Variants in PPARA observed in about 807,000 individuals in gnomAD.
PPARA encodes the protein peroxisome proliferator-activated receptor alpha.
PPARA carries 22 observed loss-of-function variants against 42.2 expected under a neutral mutation model. That is an observed-to-expected ratio of 0.52 (90% CI 0.37 to 0.74). PPARA has a LOEUF of 0.74. Among genes scored for constraint, PPARA ranks in the 30% least tolerant of loss-of-function variants. The pLI, the probability that PPARA is intolerant of heterozygous loss-of-function variation, is 0.00. For missense variants in PPARA, 465 were observed against 608.2 expected, an observed-to-expected ratio of 0.76 and a Z score of 2.48; for synonymous variants, 242 against 239.3, an observed-to-expected ratio of 1.01 and a Z score of -0.10.
At position 46,219,842 on chromosome 22, in the gene PPARA, A is replaced by C. The variant is rs1569240768; in HGVS notation, c.539A>C (p.Glu180Ala). Residue 180 changes from glutamate to alanine, a missense_variant, in exon 7 of 9, where the codon GAG (glutamate) becomes GCG (alanine). Glu to Ala is a moderately radical substitution (Grantham distance 107). Coordinates refer to ENST00000407236, the MANE Select transcript of PPARA (RefSeq NM_005036.6). The surrounding 1 kb of genome is among the most constrained non-coding windows in gnomAD (Gnocchi z 4.8). Reference sequence around the variant, plus strand: ...CGTTTTGGACGAATGCCAAGATCTGAGAAAGCAAAACTGAAAGCAGAAATT... The same window carrying C: ...CGTTTTGGACGAATGCCAAGATCTGCGAAAGCAAAACTGAAAGCAGAAATT... ...AIRFGRMPRSEKAKLKAEILT... is the reference protein window; with the variant it reads ...AIRFGRMPRSAKAKLKAEILT... 6.2e-7 allele frequency: 1 copy of C among 1,614,230 alleles called. No homozygotes were observed. The highest frequency in any genetic ancestry group is 8.5e-7 in the Non-Finnish European group (1 of 1,180,044).
At chr22:46,166,861 T>C (rs1927156887) in intron 2 of PPARA, among the ~76,000 whole-genome samples, 2 of 152,204 alleles carry the variant, frequency 1.3e-5, no homozygotes, top group East Asian at 1.9e-4. Context: ...GCATGCCTAC[T>C]TGTAGAATTT....
chr22:46,174,308 C>G (rs1928676190), intron 2 of PPARA, among the ~76,000 whole-genome samples: 1 of 59,424 alleles, frequency 1.7e-5, no homozygotes, highest in Admixed American at 1.9e-4. Context: ...AAGTTGGTAA[C>G]TACCAGTGAA....
At position 46,232,520 on chromosome 22, in the gene PPARA, C is replaced by T. The variant is rs982916751; in HGVS notation, c.1159+281C>T. ...ATAATATTAGCCAGGTGTGGGGGTG[C>T]ACACCTTTAGTCCCAGCTACTTACT... On this transcript the variant is annotated intron_variant, in intron 8 of 8. Transcript: ENST00000407236. This position sits in a 1 kb window ranked among gnomAD's most constrained non-coding sequence, Gnocchi z 5.3. Among the ~76,000 whole-genome samples the T allele has an allele frequency of 2.6e-5, 4 of 151,794 alleles. No individual in the cohort carries two copies. Among genetic ancestry groups the T allele is most frequent in the African/African-American group, 9.7e-5 (4 of 41,334 alleles).
At chr22:46,202,435 C>T (rs532324535) in intron 4 of PPARA, among the ~76,000 whole-genome samples, 1 of 152,036 alleles carries the variant, frequency 6.6e-6, no homozygotes, top group African/African-American at 2.4e-5. Context: ...CTGTGCTTCC[C>T]ATCTAAATAA....
Position 46,233,581 on chromosome 22 carries a change from C to T in PPARA, c.1159+1342C>T, listed in dbSNP as rs1325025597. 6.6e-6 allele frequency among the ~76,000 whole-genome samples: 1 copy of T among 152,166 alleles called. No homozygotes were observed. The highest frequency in any genetic ancestry group is 1.9e-4 in the East Asian group (1 of 5,192). ...GATGAAGGAAGTCCTTGCGCTCTGG[C>T]ATAAAGTGTACAAAGACAAAGCAGT... On this transcript the variant is annotated intron_variant, in intron 8 of 8. Coordinates refer to ENST00000407236, the MANE Select transcript of PPARA (RefSeq NM_005036.6). The surrounding 1 kb of genome is among the most constrained non-coding windows in gnomAD (Gnocchi z 7.3).
At position 46,234,589 on chromosome 22, in the gene PPARA, G is replaced by A. The variant is rs770785442; in HGVS notation, c.1160-544G>A. Among the ~76,000 whole-genome samples, 3 of 151,954 alleles carry A rather than the reference G, an allele frequency of 2.0e-5. No individual in the cohort carries two copies. The highest frequency in any genetic ancestry group is 7.3e-5 in the African/African-American group (3 of 41,366). Reference sequence around the variant, plus strand: ...CTGATCTTGGCTCACTGCAATCTCCGTCTCCCAGGTTCAAGCGATTCTCCC... The same window carrying A: ...CTGATCTTGGCTCACTGCAATCTCCATCTCCCAGGTTCAAGCGATTCTCCC... On this transcript the variant is annotated intron_variant, in intron 8 of 8. Coordinates refer to ENST00000407236, the MANE Select transcript of PPARA (RefSeq NM_005036.6). The surrounding 1 kb of genome is among the most constrained non-coding windows in gnomAD (Gnocchi z 5.8).
rs1203238382 is a variant in PPARA, at chr22:46,241,590, TGCCA to T, written c.*6213_*6216del. 6.6e-6 allele frequency: 1 copy of T among 152,206 alleles called. No individual in the cohort carries two copies. The highest frequency in any genetic ancestry group is 2.4e-5 in the African/African-American group (1 of 41,450). 9.4% of individuals were successfully genotyped at this position (152,206 alleles called of 1,614,324 possible). A position where few individuals can be genotyped will look rare whatever the true frequency, so the allele number is the denominator to read the frequency against. On this transcript the variant is annotated 3_prime_UTR_variant, in exon 9 of 9. Transcript: ENST00000407236. The surrounding 1 kb of genome is among the most constrained non-coding windows in gnomAD (Gnocchi z 5.7). ...CAAGGCTGCTGCCTGCTCCACCTTT[TGCCA>T]GCTCTGGACATCTGAGGACGTCCCG...
At chr22:46,153,163 C>CTTTTT (rs996863467) in intron 2 of PPARA, among the ~76,000 whole-genome samples, 262 of 109,200 alleles carry the variant, frequency 2.4e-3, no homozygotes, top group African/African-American at 4.0e-3. Context: ...TTCCCACATC[C>CTTTTT]TTTTTTTTTT....
rs1936194197 is a variant in PPARA, at chr22:46,236,223, G to A, written c.*843G>A. The stretch of plus-strand genomic sequence containing the variant: ...GACTGCACCACTGCACTCCAGCCTG[G>A]TGACAGAACGAGACTCTGTCTTAAA... On this transcript the variant is annotated 3_prime_UTR_variant, in exon 9 of 9. Transcript: ENST00000407236. The surrounding 1 kb of genome is among the most constrained non-coding windows in gnomAD (Gnocchi z 5.2). The A allele has an allele frequency of 6.6e-6, 1 of 152,574 alleles. No homozygotes were observed. Among genetic ancestry groups the A allele is most frequent in the Non-Finnish European group, 1.5e-5 (1 of 68,040 alleles). The allele number at this position is 152,574 out of a possible 1,614,324, so 9.5% of individuals were successfully genotyped here.
At chr22:46,155,478 C>G (rs985308069) in intron 2 of PPARA, 2 of 152,192 alleles carry the variant, frequency 1.3e-5, no homozygotes, top group African/African-American at 4.8e-5. Context: ...CCACACCTGG[C>G]TATTTTTTGT....
Position 46,216,383 on chromosome 22 carries a change from C to CAAA in PPARA, c.369+1062_369+1064dup, listed in dbSNP as rs111225851. ...AGGCGACAAGAGTAAAACTTCATCT[C>CAAA]AAAAAAAAAAAAAAGAGAGAAAAGA... On this transcript the variant is annotated intron_variant, in intron 5 of 8. Transcript: ENST00000407236. The surrounding 1 kb of genome is among the most constrained non-coding windows in gnomAD (Gnocchi z 4.5). 3.3e-3 allele frequency among the ~76,000 whole-genome samples: 439 copies of CAAA among 131,492 alleles called. 3 individuals carry two copies. Among genetic ancestry groups the CAAA allele is most frequent in the African/African-American group, 0.011 (426 of 37,190 alleles). The allele number at this position is 131,492 out of a possible 152,430, so 86.3% of individuals were successfully genotyped here. A position where few individuals can be genotyped will look rare whatever the true frequency, so the allele number is the denominator to read the frequency against.
In PPARA at chr22:46,230,431, G is replaced by A. The variant is rs1464314854; in HGVS notation, c.712-1361G>A. ...TTATTGACCTGTGTCTGCATGAGCT[G>A]TGGACCACATTATAATCAGAGAGAT... On this transcript the variant is annotated intron_variant, in intron 7 of 8. Coordinates refer to ENST00000407236, the MANE Select transcript of PPARA (RefSeq NM_005036.6). This position sits in a 1 kb window ranked among gnomAD's most constrained non-coding sequence, Gnocchi z 5.0. Among the ~76,000 whole-genome samples, 4 of 152,164 alleles carry A rather than the reference G, an allele frequency of 2.6e-5. No individual in the cohort carries two copies. The highest frequency in any genetic ancestry group is 2.6e-4 in the Admixed American group (4 of 15,264).
intron 7 of PPARA, among the ~76,000 whole-genome samples, chr22:46,229,982 T>C (rs1935755203): frequency 6.6e-6 from 1 of 152,234 alleles, no homozygotes; most frequent in Admixed American, 6.5e-5. Flanking sequence ...GTCAGAAGCA[T>C]TGTCAGTGGT....
intron 3 of PPARA, among the ~76,000 whole-genome samples, chr22:46,181,304 C>T (rs1305274627): frequency 6.6e-6 from 1 of 152,104 alleles, no homozygotes; most frequent in Non-Finnish European, 1.5e-5. Flanking sequence ...GGACTGTGTG[C>T]TCTGAGGCGA....
rs1483219676 is a variant in PPARA at position 46,173,693 on chromosome 22, A to G, written c.-126-3060A>G. ...GTACTGAAGGAGGAAAAATGCTATC[A>G]AGGACATTATTGGGTCAATTAACAA... On this transcript the variant is annotated intron_variant, in intron 2 of 8. Transcript: ENST00000407236. The surrounding 1 kb of genome is among the most constrained non-coding windows in gnomAD (Gnocchi z 4.3). Among the ~76,000 whole-genome samples the G allele has an allele frequency of 2.0e-5, 3 of 152,236 alleles. No individual in the cohort carries two copies. Among genetic ancestry groups the G allele is most frequent in the Non-Finnish European group, 4.4e-5 (3 of 68,040 alleles).
rs796771105 is a variant in PPARA at position 46,180,091 on chromosome 22, A to G, written c.-43+3255A>G. Among the ~76,000 whole-genome samples the G allele has an allele frequency of 1.3e-5, 2 of 152,178 alleles. No homozygotes were observed. Among genetic ancestry groups the G allele is most frequent in the Non-Finnish European group, 2.9e-5 (2 of 68,028 alleles). ...TGAATGGCCAAAATTAGAAAGGTTG[A>G]CCATACCAAACATTAGCCATGATGT... On this transcript the variant is annotated intron_variant, in intron 3 of 8. Coordinates refer to ENST00000407236, the MANE Select transcript of PPARA (RefSeq NM_005036.6). The surrounding 1 kb of genome is among the most constrained non-coding windows in gnomAD (Gnocchi z 4.2).
chr22:46,242,567 A>G lies in PPARA; in HGVS notation c.*7187A>G, dbSNP rs948031535. The stretch of plus-strand genomic sequence containing the variant: ...CTTTTTGAAAAATATCCTAATACAA[A>G]TATTTTACTAACTTACAATCACTCA... On this transcript the variant is annotated 3_prime_UTR_variant, in exon 9 of 9. Coordinates refer to ENST00000407236, the MANE Select transcript of PPARA (RefSeq NM_005036.6). This position sits in a 1 kb window ranked among gnomAD's most constrained non-coding sequence, Gnocchi z 6.1. The G allele has an allele frequency of 6.6e-6, 1 of 152,628 alleles. No individual in the cohort carries two copies. Among genetic ancestry groups the G allele is most frequent in the African/African-American group, 2.4e-5 (1 of 41,436 alleles). 9.5% of individuals were successfully genotyped at this position (152,628 alleles called of 1,614,324 possible).
At chr22:46,201,760 A>G (rs948482446) in intron 4 of PPARA, among the ~76,000 whole-genome samples, 3 of 152,156 alleles carry the variant, frequency 2.0e-5, no homozygotes, top group African/African-American at 7.2e-5. Context: ...ACCAGCCCAG[A>G]ACCCAGCTCT....
At chr22:46,175,650 C>A (rs1378430828) in intron 2 of PPARA, among the ~76,000 whole-genome samples, 1 of 150,832 alleles carries the variant, frequency 6.6e-6, no homozygotes, top group Non-Finnish European at 1.5e-5. Context: ...GGAGACGGAG[C>A]TTGTAGTGAG....
Sources: allele counts gnomAD v4.1 joint callset (sites outside exome capture counted in the v4.1 genomes callset), GRCh38; gene constraint gnomAD v4.1.1; non-coding constraint Gnocchi (gnomAD v3.1); transcripts MANE v1.5; gene names NCBI Gene and HGNC (gene_info 2026-07-23, HGNC 2026-07-21).